POLD3: variants seen among roughly 807,000 people sequenced by gnomAD.
POLD3 encodes DNA polymerase delta subunit 3.
POLD3 carries 19 observed loss-of-function variants against 58.2 expected under a neutral mutation model. The ratio of observed to expected loss-of-function variants is 0.33; its 90% confidence interval spans 0.23 to 0.48. The LOEUF is 0.48. Among genes scored for constraint, POLD3 ranks in the 20% least tolerant of loss-of-function variants. The pLI, the probability that POLD3 is intolerant of heterozygous loss-of-function variation, is 0.99. For synonymous variants in POLD3, 172 were observed against 193.5 expected (o/e 0.89, Z 0.92); for missense variants, 504 against 545.5 (o/e 0.92, Z 0.76).
At chr11:74,597,541 A>G (rs2031319412) in intron 2 of POLD3, among the ~76,000 whole-genome samples, 1 of 152,170 alleles carries the variant, frequency 6.6e-6, no homozygotes, top group African/African-American at 2.4e-5. Context: ...GCTCACTGCA[A>G]CTTCAGCCTC....
At position 74,641,810 on chromosome 11, in the gene POLD3, T is replaced by C. The variant is rs911356817; in HGVS notation, c.*1044T>C. 2 of 985,032 alleles carry C rather than the reference T, an allele frequency of 2.0e-6. No homozygotes were observed. The highest frequency in any genetic ancestry group is 3.5e-5 in the African/African-American group (2 of 57,244). 61.0% of individuals were successfully genotyped at this position (985,032 alleles called of 1,614,324 possible). On this transcript the variant is annotated 3_prime_UTR_variant, in exon 12 of 12. Coordinates refer to ENST00000263681, the MANE Select transcript of POLD3 (RefSeq NM_006591.3). The stretch of plus-strand genomic sequence containing the variant: ...TGCTCCTTTGTATTTTTAGCTTCCC[T>C]ATTTGCTTAAAAGTACAGGCTCCCT...
chr11:74,618,652 A>G lies in POLD3; in HGVS notation c.508A>G (p.Asn170Asp), dbSNP rs756885351. 6.2e-7 allele frequency: 1 copy of G among 1,614,192 alleles called. No homozygotes were observed. Among genetic ancestry groups the G allele is most frequent in the Non-Finnish European group, 8.5e-7 (1 of 1,180,022 alleles). ...LHMSSETQAN[N>D]ELTTNGHGPP... ...CATGTCAAGTGAGACACAAGCCAAC[A>G]ATGAGCTGACCACCAATGGTCATGG... Residue 170 changes from asparagine (N) to aspartate (D), a missense_variant, in exon 6 of 12, where the codon AAT becomes GAT. Asn to Asp is a conservative substitution (Grantham distance 23). Coordinates refer to ENST00000263681, the MANE Select transcript of POLD3 (RefSeq NM_006591.3).
intron 4 of POLD3, 85 bp downstream of exon 4, chr11:74,611,623 A>G (rs1474966225): frequency 2.8e-6 from 2 of 726,634 alleles, no homozygotes; most frequent in African/African-American, 1.8e-5. Context: ...ACATCTGCGT[A>G]TAATATATTT....
chr11:74,629,149 T>G, intron 8 of POLD3, 68 bp from the exon 9 acceptor site: 1 of 898,164 alleles, frequency 1.1e-6, no homozygotes, highest in Non-Finnish European at 1.7e-6. Flanking sequence ...GCAAAACCCA[T>G]AAGAGCATGT....
At position 74,604,418 on chromosome 11, in the gene POLD3, G is replaced by A. The variant is rs1199277680; in HGVS notation, c.117-274G>A. On this transcript the variant is annotated intron_variant, in intron 2 of 11. Coordinates refer to ENST00000263681, the MANE Select transcript of POLD3 (RefSeq NM_006591.3). ...TATGTATCATTGCCACTGTTTTAAT[G>A]CAGGTTCAGTCCCTCTTGGTCTATT... The A allele has an allele frequency of 1.4e-5, 4 of 284,512 alleles. No individual in the cohort carries two copies. In the East Asian group the frequency reaches 2.8e-4, roughly 20 times the overall value. The allele number at this position is 284,512 out of a possible 1,614,324, so 17.6% of individuals were successfully genotyped here. A position where few individuals can be genotyped will look rare whatever the true frequency, so the allele number is the denominator to read the frequency against.
At chr11:74,645,522 A>T (rs1490358074), downstream of POLD3, among the ~76,000 whole-genome samples, 1 of 152,220 alleles carries the variant, frequency 6.6e-6, no homozygotes, top group Non-Finnish European at 1.5e-5. Flanking sequence ...GACAGAGGGC[A>T]CTGGATGCAA....
intron 2 of POLD3, among the ~76,000 whole-genome samples, chr11:74,601,480 A>G (rs753997724): frequency 2.6e-5 from 4 of 152,192 alleles, no homozygotes; most frequent in Non-Finnish European, 5.9e-5. Context: ...AAAATTTGTT[A>G]GAGCTTGGAT....
chr11:74,618,581 C>T lies in POLD3; in HGVS notation c.437C>T (p.Ala146Val). 2 of 1,613,506 alleles carry T rather than the reference C, an allele frequency of 1.2e-6. No homozygotes were observed. The highest frequency in any genetic ancestry group is 1.7e-6 in the Non-Finnish European group (2 of 1,179,434). ...GCAGCTGCCGTCCCTAGAGCTCCTG[C>T]TGAATCCTCTTCGTCTTCCAAAAAG... ...QCAAAVPRAPAESSSSSKKFE... is the reference protein window; with the variant it reads ...QCAAAVPRAPVESSSSSKKFE... Residue 146 changes from alanine (A) to valine (V), a missense_variant, in exon 6 of 12, where the codon GCT (alanine) becomes GTT (valine). Ala to Val is a moderately conservative substitution (Grantham distance 64). Transcript: ENST00000263681.
At position 74,641,272 on chromosome 11, in the gene POLD3, G is replaced by T. The variant is rs2032906459; in HGVS notation, c.*506G>T. 1 of 985,402 alleles carries T rather than the reference G, an allele frequency of 1.0e-6. No individual in the cohort carries two copies. The highest frequency in any genetic ancestry group is 1.2e-6 in the Non-Finnish European group (1 of 830,044). The allele number at this position is 985,402 out of a possible 1,614,324, so 61.0% of individuals were successfully genotyped here. A position where few individuals can be genotyped will look rare whatever the true frequency, so the allele number is the denominator to read the frequency against. On this transcript the variant is annotated 3_prime_UTR_variant, in exon 12 of 12. Transcript: ENST00000263681. Reference sequence around the variant, plus strand: ...AACCTCCTGAGGCTGTTCTCTGTAAGTCTTTTAAGTTTTGGTTGGACTAAA... The same window carrying T: ...AACCTCCTGAGGCTGTTCTCTGTAATTCTTTTAAGTTTTGGTTGGACTAAA...
intron 4 of POLD3, among the ~76,000 whole-genome samples, chr11:74,654,911 A>G (rs2033114177): frequency 6.6e-6 from 1 of 152,236 alleles, no homozygotes; most frequent in Non-Finnish European, 1.5e-5. Flanking sequence ...CCAGGGAGAT[A>G]ATGGGAATGA....
chr11:74,632,988 T>C (rs768900726), intron 9 of POLD3, among the ~76,000 whole-genome samples: 3 of 150,846 alleles, frequency 2.0e-5, no homozygotes, highest in Non-Finnish European at 4.4e-5. Context: ...TTTTGGAGCT[T>C]AGAGTCTAGA....
At chr11:74,601,960 C>T (rs2031514500) in intron 2 of POLD3, among the ~76,000 whole-genome samples, 1 of 152,102 alleles carries the variant, frequency 6.6e-6, no homozygotes, top group Non-Finnish European at 1.5e-5. Context: ...TAGAATGTTT[C>T]ATTAAGGATG....
At chr11:74,661,781 T>C (rs765018822) in intron 4 of POLD3, among the ~76,000 whole-genome samples, 17 of 152,342 alleles carry the variant, frequency 1.1e-4, no homozygotes, top group Non-Finnish European at 2.4e-4. Flanking sequence ...GGCAGCAAGT[T>C]CTCTTAGGCC....
intron 9 of POLD3, among the ~76,000 whole-genome samples, chr11:74,632,877 T>TATACAC (rs1263669028): frequency 8.6e-6 from 1 of 115,730 alleles, no homozygotes; most frequent in African/African-American, 4.3e-5. Context: ...TTTAAGTAAA[T>TATACAC]ACACACACAC....
At chr11:74,608,870 A>G (rs1206159607) in intron 3 of POLD3, among the ~76,000 whole-genome samples, 1 of 152,216 alleles carries the variant, frequency 6.6e-6, no homozygotes, top group Non-Finnish European at 1.5e-5. Context: ...GAATAAACCA[A>G]TGAAAATGAC....
At chr11:74,627,063 A>G (rs1270243687) in intron 8 of POLD3, among the ~76,000 whole-genome samples, 1 of 152,146 alleles carries the variant, frequency 6.6e-6, no homozygotes, top group East Asian at 1.9e-4. Context: ...TCTACTTATA[A>G]AAAAAGTTGA....
intron 9 of POLD3, among the ~76,000 whole-genome samples, chr11:74,629,667 C>T (rs1415114248): frequency 1.3e-5 from 2 of 151,314 alleles, no homozygotes; most frequent in East Asian, 3.9e-4. Flanking sequence ...ACGTTCTAGG[C>T]AGCCAGGGTA....
At position 74,637,806 on chromosome 11, in the gene POLD3, CTT is replaced by C. The variant is rs11354555; in HGVS notation, c.1198+1546_1198+1547del. ...CAGTGAAAACTGTGCTCACATTGCA[CTT>C]TTTTTTTTTTTTTTAAAGGTTTTTG... On this transcript the variant is annotated intron_variant, in intron 11 of 11. Coordinates refer to ENST00000263681, the MANE Select transcript of POLD3 (RefSeq NM_006591.3). Among the ~76,000 whole-genome samples the C allele has an allele frequency of 1.2e-3, 175 of 143,814 alleles. 1 individual carries two copies. The highest frequency in any genetic ancestry group is 7.1e-3 in the South Asian group (32 of 4,518). The allele number at this position is 143,814 out of a possible 152,430, so 94.3% of individuals were successfully genotyped here. A position where few individuals can be genotyped will look rare whatever the true frequency, so the allele number is the denominator to read the frequency against.
At chr11:74,654,027 T>C (rs1160654225) in intron 4 of POLD3, among the ~76,000 whole-genome samples, 2 of 152,064 alleles carry the variant, frequency 1.3e-5, no homozygotes, top group Admixed American at 6.6e-5. Flanking sequence ...CCACACACTT[T>C]TGCTCAACCA....
Sources: allele counts gnomAD v4.1 joint callset (sites outside exome capture counted in the v4.1 genomes callset), GRCh38; gene constraint gnomAD v4.1.1; transcripts MANE v1.5; gene names NCBI Gene and HGNC (gene_info 2026-07-23, HGNC 2026-07-21).